The following CSMD1 variants were observed in gnomAD, a reference collection of about 807,000 sequenced individuals.
CSMD1 encodes the protein CUB and sushi domain-containing protein 1.
In CSMD1, 213 loss-of-function variants were observed where a neutral mutation model predicts 417.5. The observed-to-expected ratio is 0.51, with a 90% CI of 0.46 to 0.57. The LOEUF (loss-of-function observed/expected upper bound fraction) is 0.57. Ranked by LOEUF, CSMD1 falls within the 20% of genes least tolerant of loss-of-function variation. The pLI is 0.00. For missense variants in CSMD1, 6,923 were observed against 4,529.7 expected, an observed-to-expected ratio of 1.53 and a Z score of -15.17; for synonymous variants, 2,862 against 1,736.8, an observed-to-expected ratio of 1.65 and a Z score of -16.11.
intron 10 of CSMD1, among the ~76,000 whole-genome samples, chr8:3,532,780 G>A (rs1354503507): frequency 1.3e-5 from 2 of 152,106 alleles, no homozygotes; most frequent in African/African-American, 2.4e-5. Flanking sequence ...GGTGAAGACT[G>A]TAAACTTCTT....
intron 1 of CSMD1, among the ~76,000 whole-genome samples, chr8:4,856,836 T>C (rs1274175280): frequency 6.6e-6 from 1 of 151,826 alleles, no homozygotes; most frequent in Non-Finnish European, 1.5e-5. Context: ...AACACCCCAC[T>C]GTCAACATTA....
chr8:3,308,602 G>A lies in CSMD1; in HGVS notation c.3632-99C>T, dbSNP rs752454683. The A allele has an allele frequency of 1.0e-5, 9 of 896,526 alleles. No individual in the cohort carries two copies. In the African/African-American group the frequency reaches 1.5e-4, roughly 15 times the overall value. 55.5% of individuals were successfully genotyped at this position (896,526 alleles called of 1,614,324 possible). A position where few individuals can be genotyped will look rare whatever the true frequency, so the allele number is the denominator to read the frequency against. ...CAAGGTTGCTAAATGCTCCTTGAAG[G>A]GTAGGGAGAAAAAAGGAGATTGTGA... On this transcript the variant is annotated intron_variant, in intron 23 of 69. Transcript: ENST00000635120.
intron 33 of CSMD1, among the ~76,000 whole-genome samples, chr8:3,194,049 T>C (rs1417076564): frequency 1.3e-5 from 2 of 152,196 alleles, no homozygotes; most frequent in African/African-American, 4.8e-5. Context: ...CTCAAAATCA[T>C]TCCTCTCTCA....
chr8:4,545,618 G>A (rs573996327), intron 2 of CSMD1, among the ~76,000 whole-genome samples: 2 of 152,160 alleles, frequency 1.3e-5, no homozygotes, highest in Non-Finnish European at 2.9e-5. Context: ...GAGAAAAAGT[G>A]GTTGGCTGGT....
At chr8:4,299,404 G>T (rs1277653009) in intron 3 of CSMD1, among the ~76,000 whole-genome samples, 1 of 152,148 alleles carries the variant, frequency 6.6e-6, no homozygotes, top group East Asian at 1.9e-4. Flanking sequence ...GTCTCAACAT[G>T]AGAGAGGTGA....
intron 8 of CSMD1, among the ~76,000 whole-genome samples, chr8:3,588,752 T>A (rs76074605): frequency 0.044 from 5,724 of 129,652 alleles, 291 homozygotes; most frequent in Admixed American, 0.15. Context: ...ACTAAAACCC[T>A]TACGCACAGT....
chr8:3,796,297 T>TATCATGTATAGATAC lies in CSMD1; in HGVS notation c.819-42256_819-42255insGTATCTATACATGAT, dbSNP rs1800121250. Among the ~76,000 whole-genome samples, 2 of 113,808 alleles carry TATCATGTATAGATAC rather than the reference T, an allele frequency of 1.8e-5. 1 individual carries two copies. The allele number at this position is 113,808 out of a possible 152,430, so 74.7% of individuals were successfully genotyped here. On this transcript the variant is annotated intron_variant, in intron 5 of 69. Coordinates refer to ENST00000635120, the MANE Select transcript of CSMD1 (RefSeq NM_033225.6). ...TATATCTATCATGTATAGATATATC[T>TATCATGTATAGATAC]ATCATGTATAGATATAGATATCTAT...
At chr8:4,553,084 C>A (rs1012185502) in intron 2 of CSMD1, among the ~76,000 whole-genome samples, 3 of 152,124 alleles carry the variant, frequency 2.0e-5, no homozygotes, top group African/African-American at 7.2e-5. Flanking sequence ...CTCTAGGTAC[C>A]AATTACTTCT....
intron 3 of CSMD1, among the ~76,000 whole-genome samples, chr8:4,188,296 G>A (rs1435425360): frequency 1.3e-5 from 2 of 152,092 alleles, no homozygotes; most frequent in African/African-American, 2.4e-5. Context: ...AATGTCCCCC[G>A]GTTGTCAAAT....
At position 3,997,979 on chromosome 8, in the gene CSMD1, G is replaced by A. The variant is rs1423692037; in HGVS notation, c.742C>T (p.Leu248=). 2 of 1,611,186 alleles carry A rather than the reference G, an allele frequency of 1.2e-6. No homozygotes were observed. Among genetic ancestry groups the A allele is most frequent in the Non-Finnish European group, 1.7e-6 (2 of 1,178,620 alleles). ...TCTAGCTGAAAGTCAGTGAAGACCAGCGCAATGGTGTCCCCGGGCTCAGCC... is the reference window on the plus strand; with the variant it reads ...TCTAGCTGAAAGTCAGTGAAGACCAACGCAATGGTGTCCCCGGGCTCAGCC... The part of the protein sequence containing the change: ...ILAEPGDTIA[L]VFTDFQLEEG... Residue 248 remains leucine (L), a synonymous_variant, in exon 5 of 70, where the codon CTG becomes TTG. Transcript: ENST00000635120.
chr8:4,754,788 G>A (rs1348786445), intron 1 of CSMD1, among the ~76,000 whole-genome samples: 1 of 152,126 alleles, frequency 6.6e-6, no homozygotes, highest in African/African-American at 2.4e-5. Context: ...AGCAGAGGTT[G>A]CAGTGAGCCG....
At position 4,616,937 on chromosome 8, in the gene CSMD1, T is replaced by C. The variant is rs188812196; in HGVS notation, c.302+20405A>G. Among the ~76,000 whole-genome samples the C allele has an allele frequency of 4.4e-4, 65 of 146,402 alleles. No individual in the cohort carries two copies. In the East Asian group the frequency reaches 0.011, roughly 24 times the overall value. ...ATAACAGACCTACTAATTCTGATTG[T>C]ATTGTCTTTTATTTATTCCAAGCAG... On this transcript the variant is annotated intron_variant, in intron 2 of 69. Transcript: ENST00000635120.
At chr8:3,362,889 A>T (rs1809290639) in intron 20 of CSMD1, among the ~76,000 whole-genome samples, 2 of 152,174 alleles carry the variant, frequency 1.3e-5, no homozygotes, top group Admixed American at 1.3e-4. Context: ...ATTGTGTAAC[A>T]TGTTCCTGTT....
chr8:3,326,095 A>C (rs961110409), intron 23 of CSMD1, among the ~76,000 whole-genome samples: 1 of 152,208 alleles, frequency 6.6e-6, no homozygotes, highest in African/African-American at 2.4e-5. Context: ...TTACAGCCAC[A>C]GAATGCTTGG....
At chr8:4,235,214 A>C (rs1801973475) in intron 3 of CSMD1, among the ~76,000 whole-genome samples, 1 of 152,186 alleles carries the variant, frequency 6.6e-6, no homozygotes, top group African/African-American at 2.4e-5. Flanking sequence ...GAATGGACCA[A>C]GGGTGCAAAA....
In CSMD1 at chr8:3,864,441, A is replaced by G. The variant is rs547263220; in HGVS notation, c.819-110399T>C. Among the ~76,000 whole-genome samples, 3 of 152,334 alleles carry G rather than the reference A, an allele frequency of 2.0e-5. No homozygotes were observed. The South Asian group carries it at 6.2e-4, about 32-fold the overall frequency. On this transcript the variant is annotated intron_variant, in intron 5 of 69. Coordinates refer to ENST00000635120, the MANE Select transcript of CSMD1 (RefSeq NM_033225.6). ...CATGAGAAGAAAGGAATACAGTATG[A>G]GAAGGGGTTAAGGAAAAGAGGGAGG...
At chr8:4,050,318 A>G (rs1223957552) in intron 3 of CSMD1, among the ~76,000 whole-genome samples, 2 of 152,232 alleles carry the variant, frequency 1.3e-5, no homozygotes, top group Non-Finnish European at 2.9e-5. Context: ...GGAATACGAA[A>G]GGAGGCTAGT....
intron 10 of CSMD1, among the ~76,000 whole-genome samples, chr8:3,540,237 C>G (rs1279036000): frequency 6.6e-6 from 1 of 152,148 alleles, no homozygotes; most frequent in Non-Finnish European, 1.5e-5. Flanking sequence ...TTTTAACCAG[C>G]ACTTCCTGAT....
intron 1 of CSMD1, among the ~76,000 whole-genome samples, chr8:4,988,599 A>G (rs1268914105): frequency 6.6e-6 from 1 of 152,224 alleles, no homozygotes. Flanking sequence ...CAACACATTT[A>G]GAGTTGGTGG....
Sources: allele counts gnomAD v4.1 joint callset (sites outside exome capture counted in the v4.1 genomes callset), GRCh38; gene constraint gnomAD v4.1.1; transcripts MANE v1.5; gene names NCBI Gene and HGNC (gene_info 2026-07-23, HGNC 2026-07-21).